RNF6: variants seen among roughly 807,000 people sequenced by gnomAD.
RNF6 encodes E3 ubiquitin-protein ligase RNF6.
Under a neutral mutation model 50.1 loss-of-function variants are expected in RNF6, and 21 were observed. The observed-to-expected ratio is 0.42, with a 90% CI of 0.30 to 0.60. RNF6 has a LOEUF of 0.60. RNF6 is among the 20% of genes least tolerant of loss of function. The pLI is 0.20. For synonymous variants in RNF6, 255 were observed against 291.8 expected (o/e 0.87, Z 1.29); for missense variants, 698 against 838.2 (o/e 0.83, Z 2.07).
intron 5 of RNF6, among the ~76,000 whole-genome samples, chr13:26,186,432 C>A (rs1272844248): frequency 6.6e-6 from 1 of 152,186 alleles, no homozygotes; most frequent in African/African-American, 2.4e-5. Context: ...CGGGACGCGC[C>A]GGGGGGCGTC....
chr13:26,171,358 T>G (rs1872689374), intron 5 of RNF6, among the ~76,000 whole-genome samples: 1 of 152,088 alleles, frequency 6.6e-6, no homozygotes, highest in African/African-American at 2.4e-5. Context: ...ACTTCACACC[T>G]ATTAAGGTGG....
chr13:26,140,928 A>T (rs993194521), intron 5 of RNF6, among the ~76,000 whole-genome samples: 1 of 152,218 alleles, frequency 6.6e-6, no homozygotes, highest in African/African-American at 2.4e-5. Context: ...TAAGGAGGTG[A>T]AAGATCTCTA....
At chr13:26,184,018 ATTTTTTTTTTTTTT>A (rs1169961717) in intron 5 of RNF6, among the ~76,000 whole-genome samples, 241 of 33,918 alleles carry the variant, frequency 7.1e-3, no homozygotes, top group Middle Eastern at 0.091. Context: ...ATATATATAT[ATTTTTTTTTTTTTT>A]TTTTTTTTTT....
At chr13:26,132,546 A>C in intron 5 of RNF6, 3 of 405,436 alleles carry the variant, frequency 7.4e-6, no homozygotes, top group Middle Eastern at 7.3e-4. Flanking sequence ...AAAGATTATG[A>C]TAGTATCTAA....
rs1869665671 is a variant in RNF6, at chr13:26,214,739, T to C, written c.1143A>G (p.Gly381=). The change falls in exon 5 of 5, where the codon GGA becomes GGG. Residue 381 remains glycine, a synonymous_variant. Coordinates refer to ENST00000381588, the MANE Select transcript of RNF6 (RefSeq NM_005977.4). ...RLVSRITVEE[G]EESSRSSTAV... ...CAGTTGAGGATCTGCTGGATTCTTC[T>C]CCTTCTTCTACTGTTATTCTTGACA... is the stretch of plus-strand genomic sequence containing the variant. 3.1e-6 allele frequency: 5 copies of C among 1,614,070 alleles called. No homozygotes were observed. Among genetic ancestry groups the C allele is most frequent in the Non-Finnish European group, 4.2e-6 (5 of 1,180,044 alleles).
At chr13:26,135,622 T>A (rs1870607975) in intron 5 of RNF6, 1 of 152,202 alleles carries the variant, frequency 6.6e-6, no homozygotes, top group South Asian at 2.1e-4. Flanking sequence ...TGATATTGAA[T>A]TACTATCTCT....
At chr13:26,220,293 C>A (rs1870344007) in intron 2 of RNF6, among the ~76,000 whole-genome samples, 2 of 152,142 alleles carry the variant, frequency 1.3e-5, no homozygotes, top group South Asian at 4.1e-4. Flanking sequence ...ATGTATGGCT[C>A]AAGGATTGTG....
chr13:26,152,902 C>T (rs1375956121), intron 5 of RNF6, among the ~76,000 whole-genome samples: 3 of 152,082 alleles, frequency 2.0e-5, no homozygotes, highest in African/African-American at 2.4e-5. Flanking sequence ...CACCTGTAAT[C>T]CCAGCACTTT....
At chr13:26,195,270 GGGC>G (rs61102619) in intron 5 of RNF6, among the ~76,000 whole-genome samples, 150,262 of 152,186 alleles carry the variant, frequency 0.99, 74,209 homozygotes, top group East Asian at 1. Context: ...TGCCTTTGGG[GGGC>G]GGCTTATTAG....
intron 5 of RNF6, among the ~76,000 whole-genome samples, chr13:26,150,601 A>G (rs766876130): frequency 2.0e-5 from 3 of 152,164 alleles, no homozygotes; most frequent in Non-Finnish European, 4.4e-5. Context: ...GACACCTAGT[A>G]AGTCCTGTTA....
At chr13:26,145,096 C>G (rs1192346553) in intron 5 of RNF6, among the ~76,000 whole-genome samples, 1 of 152,164 alleles carries the variant, frequency 6.6e-6, no homozygotes, top group Non-Finnish European at 1.5e-5. Context: ...TAAAAGTGAA[C>G]TGCTTTGCTG....
intron 5 of RNF6, among the ~76,000 whole-genome samples, chr13:26,195,018 A>G (rs1344842550): frequency 6.6e-6 from 1 of 152,196 alleles, no homozygotes; most frequent in Non-Finnish European, 1.5e-5. Flanking sequence ...TCCAATCAAG[A>G]TGACACTCAG....
chr13:26,203,698 A>C (rs979109595), intron 5 of RNF6, among the ~76,000 whole-genome samples: 1 of 152,220 alleles, frequency 6.6e-6, no homozygotes, highest in African/African-American at 2.4e-5. Context: ...GCAGTGGCTC[A>C]CGCCTGTAAT....
Position 26,219,491 on chromosome 13 carries a change from C to A in RNF6, c.159G>T (p.Arg53=). ...CTAAAAGATTATGGTCTCTCATAAG[C>A]CGATAATCTTCATCATTGAGTTCAT... ...FINELNDEDY[R]LMRDHNLLGT... Residue 53 remains arginine (R), a synonymous_variant, in exon 3 of 5, where the codon CGG becomes CGT. Transcript: ENST00000381588. The A allele has an allele frequency of 6.2e-7, 1 of 1,613,688 alleles. No individual in the cohort carries two copies. The highest frequency in any genetic ancestry group is 8.5e-7 in the Non-Finnish European group (1 of 1,179,808).
At position 26,174,902 on chromosome 13, in the gene RNF6, G is replaced by C. The variant is rs1231346915; in HGVS notation, n.768+40572C>G. On this transcript the variant is annotated intron_variant and non_coding_transcript_variant, in intron 5 of 5. Transcript: ENST00000468480. ...ACTCACTCACCAGTCAGAGTGGATT[G>C]GGGCCCACTCTAACGGCCTCGGTTG... Among the ~76,000 whole-genome samples, 4 of 152,112 alleles carry C rather than the reference G, an allele frequency of 2.6e-5. No individual in the cohort carries two copies. In the East Asian group the frequency reaches 7.7e-4, roughly 29 times the overall value.
At chr13:26,160,598 T>G (rs1285240531) in intron 5 of RNF6, among the ~76,000 whole-genome samples, 2 of 151,274 alleles carry the variant, frequency 1.3e-5, no homozygotes, top group African/African-American at 4.9e-5. Flanking sequence ...AAACACTATT[T>G]TGCACATGCT....
In RNF6 at chr13:26,214,072, G is replaced by A. The variant is rs148001412; in HGVS notation, c.1810C>T (p.Arg604Cys). The A allele has an allele frequency of 5.6e-6, 9 of 1,614,134 alleles. No homozygotes were observed. In the African/African-American group the frequency reaches 6.7e-5, roughly 12 times the overall value. Residue 604 changes from arginine (R) to cysteine (C), a missense_variant, in exon 5 of 5, where the codon CGT becomes TGT. Arg to Cys is a radical substitution (Grantham distance 180). Coordinates refer to ENST00000381588, the MANE Select transcript of RNF6 (RefSeq NM_005977.4). ...TCAATCTGCTCTTTGGTTAAACCAC[G>A]TATTCGATCATCATCATCACTTTCA... is the stretch of plus-strand genomic sequence containing the variant. The part of the protein sequence containing the change: ...LNESDDDDRI[R>C]GLTKEQIDNL...
chr13:26,212,566 C>A (rs893671544), downstream of RNF6, among the ~76,000 whole-genome samples: 2 of 151,224 alleles, frequency 1.3e-5, no homozygotes, highest in African/African-American at 4.8e-5. Flanking sequence ...TATTAATAAG[C>A]AAATATGAAA....
intron 5 of RNF6, among the ~76,000 whole-genome samples, chr13:26,141,582 C>T (rs1169227471): frequency 6.6e-6 from 1 of 151,998 alleles, no homozygotes; most frequent in Non-Finnish European, 1.5e-5. Flanking sequence ...AGCAGCATAT[C>T]GACAACCAAT....
Sources: gnomAD v4.1 joint callset for allele counts (sites outside exome capture counted in the v4.1 genomes callset) on GRCh38, gnomAD v4.1.1 for gene constraint, MANE v1.5 for transcripts, NCBI Gene and HGNC (gene_info 2026-07-23, HGNC 2026-07-21) for gene names.